ZBTB49: variants seen among roughly 807,000 people sequenced by gnomAD.
The protein encoded by ZBTB49 is zinc finger and BTB domain-containing protein 49.
A neutral mutation model predicts 57.5 loss-of-function variants in ZBTB49; 43 were observed. The observed-to-expected ratio is 0.75, with a 90% CI of 0.59 to 0.97. ZBTB49 has a LOEUF of 0.97. Among genes scored for constraint, ZBTB49 ranks in the 50% least tolerant of loss-of-function variants. The pLI, the probability that ZBTB49 is intolerant of heterozygous loss-of-function variation, is 0.00. For missense variants in ZBTB49, 938 were observed against 947.7 expected, an observed-to-expected ratio of 0.99 and a Z score of 0.13; for synonymous variants, 369 against 362.1, an observed-to-expected ratio of 1.02 and a Z score of -0.22.
intron 5 of ZBTB49, among the ~76,000 whole-genome samples, chr4:4,314,693 A>C (rs898060792): frequency 5.3e-5 from 8 of 152,206 alleles, no homozygotes; most frequent in Non-Finnish European, 8.8e-5. Flanking sequence ...TTGAAACCAG[A>C]CCTATATGCA....
chr4:4,311,063 A>G (rs1720965015), intron 4 of ZBTB49, among the ~76,000 whole-genome samples: 1 of 152,216 alleles, frequency 6.6e-6, no homozygotes, highest in South Asian at 2.1e-4. Context: ...ATTATTTATC[A>G]GAAATATGCA....
In ZBTB49 at chr4:4,321,220, C is replaced by A; in HGVS notation, c.2202C>A (p.Thr734=). 1 of 1,614,196 alleles carries A rather than the reference C, an allele frequency of 6.2e-7. No individual in the cohort carries two copies. ...GDPLGSRASS[T]TYRNSEGQFF... is the part of the protein sequence containing the mutation. ...CCCTGGGCAGTCGAGCATCTTCCAC[C>A]ACTTATAGGAACTCAGAGGGTCAGT... Residue 734 remains threonine, a synonymous_variant, in exon 8 of 8, where the codon ACC becomes ACA. Coordinates refer to ENST00000337872, the MANE Select transcript of ZBTB49 (RefSeq NM_145291.4).
chr4:4,306,285 A>T, intron 4 of ZBTB49, 101 bp downstream of exon 4: 1 of 960,624 alleles, frequency 1.0e-6, no homozygotes, highest in South Asian at 1.4e-5. Context: ...AGAAGCCTCT[A>T]ATGATGTCTG....
At chr4:4,307,565 G>A (rs925273740) in intron 4 of ZBTB49, among the ~76,000 whole-genome samples, 1 of 152,118 alleles carries the variant, frequency 6.6e-6, no homozygotes, top group Non-Finnish European at 1.5e-5. Flanking sequence ...TTAGAGCAGG[G>A]CCTGGCACAT....
intron 7 of ZBTB49, among the ~76,000 whole-genome samples, chr4:4,320,431 C>T (rs1036929010): frequency 2.6e-5 from 4 of 152,090 alleles, no homozygotes; most frequent in Non-Finnish European, 4.4e-5. Flanking sequence ...ACTGTAAAAG[C>T]ATCTTTTTCC....
At chr4:4,297,494 G>A (rs1422018092) in intron 1 of ZBTB49, among the ~76,000 whole-genome samples, 1 of 152,194 alleles carries the variant, frequency 6.6e-6, no homozygotes, top group Admixed American at 6.5e-5. Context: ...AGCGGGTTAA[G>A]AATCATGGGG....
chr4:4,306,981 G>A (rs1342805818), intron 4 of ZBTB49, among the ~76,000 whole-genome samples: 2 of 152,236 alleles, frequency 1.3e-5, no homozygotes, highest in Non-Finnish European at 2.9e-5. Flanking sequence ...GCCCCGCAGA[G>A]CTTGGAAATG....
chr4:4,307,194 C>G (rs867963702), intron 4 of ZBTB49, among the ~76,000 whole-genome samples: 7 of 152,362 alleles, frequency 4.6e-5, no homozygotes, highest in Middle Eastern at 3.4e-3. Context: ...GGGTCATGTC[C>G]TCCTGAGCAC....
intron 5 of ZBTB49, 56 bp downstream of exon 5, chr4:4,313,170 T>A: frequency 6.2e-7 from 1 of 1,602,526 alleles, no homozygotes; most frequent in Non-Finnish European, 8.5e-7. Context: ...TCTCAGTGTC[T>A]TTGGTAGTCA....
chr4:4,313,160 T>A, intron 5 of ZBTB49, 46 bp downstream of exon 5: 1 of 1,608,892 alleles, frequency 6.2e-7, no homozygotes, highest in Non-Finnish European at 8.5e-7. Flanking sequence ...GCATGTCTAG[T>A]CTCAGTGTCT....
chr4:4,321,091 T>G lies in ZBTB49; in HGVS notation c.2073T>G (p.Ala691=). ...AGCAGACACAGCCTCAGGCCTATGC[T>G]TACTCGGATGTGGACACCCCAGCCG... The part of the protein sequence containing the change: ...QMQQTQPQAY[A]YSDVDTPAGG... Residue 691 remains alanine (A), a synonymous_variant, in exon 8 of 8, where the codon GCT becomes GCG. Transcript: ENST00000337872. The G allele has an allele frequency of 6.2e-7, 1 of 1,614,180 alleles. No homozygotes were observed. The highest frequency in any genetic ancestry group is 8.5e-7 in the Non-Finnish European group (1 of 1,180,024).
chr4:4,297,109 C>T (rs529253795), intron 1 of ZBTB49, among the ~76,000 whole-genome samples: 4 of 152,252 alleles, frequency 2.6e-5, no homozygotes, highest in South Asian at 2.1e-4. Flanking sequence ...CTCGCTTTGT[C>T]GCCTAGGCTA....
chr4:4,294,872 C>CGTGTATGT (rs1553803052), intron 1 of ZBTB49, among the ~76,000 whole-genome samples: 4,413 of 138,094 alleles, frequency 0.032, 82 homozygotes, highest in Middle Eastern at 0.039. Flanking sequence ...AGGAGGGTTT[C>CGTGTATGT]GTGTGTGTGT....
intron 5 of ZBTB49, among the ~76,000 whole-genome samples, chr4:4,313,920 T>G (rs578214135): frequency 3.9e-5 from 6 of 152,336 alleles, no homozygotes; most frequent in African/African-American, 1.4e-4. Flanking sequence ...ACCTGCTGTA[T>G]GCCAAGTGCT....
In ZBTB49 at chr4:4,302,856, T is replaced by C. The variant is rs771712970; in HGVS notation, c.1020T>C (p.Ala340=). The C allele has an allele frequency of 8.1e-6, 13 of 1,613,668 alleles. No homozygotes were observed. Among genetic ancestry groups the C allele is most frequent in the Non-Finnish European group, 1.0e-5 (12 of 1,179,750 alleles). ...DDGLTKRLES[A]SKNTLEKASS... is the part of the protein sequence containing the mutation. ...GTTTGACAAAGAGGTTGGAATCTGC[T>C]AGTAAAAATACCCTAGAGAAAGCTA... Residue 340 remains alanine (A), a synonymous_variant, in exon 3 of 8, where the codon GCT becomes GCC. Transcript: ENST00000337872.
rs144437900 is a variant in ZBTB49 at position 4,299,849 on chromosome 4, A to G, written c.-19-78A>G. The G allele has an allele frequency of 1.5e-4, 204 of 1,317,484 alleles. 3 individuals are homozygous for G. The African/African-American group carries it at 2.5e-3, about 16-fold the overall frequency. The allele number at this position is 1,317,484 out of a possible 1,614,324, so 81.6% of individuals were successfully genotyped here. Reference sequence around the variant, plus strand: ...TGATGAGAGAGTGAAGCACAGATCAATCAGTAAGTTTCAGTCCCATTTAGT... The same window carrying G: ...TGATGAGAGAGTGAAGCACAGATCAGTCAGTAAGTTTCAGTCCCATTTAGT... On this transcript the variant is annotated intron_variant, in intron 1 of 7. Transcript: ENST00000337872.
chr4:4,309,305 T>C (rs1720875030), intron 4 of ZBTB49, among the ~76,000 whole-genome samples: 1 of 152,178 alleles, frequency 6.6e-6, no homozygotes, highest in Non-Finnish European at 1.5e-5. Context: ...TGTGTCCAGA[T>C]CTCTGCAGGG....
At chr4:4,307,594 G>T (rs1051830179) in intron 4 of ZBTB49, among the ~76,000 whole-genome samples, 1 of 152,134 alleles carries the variant, frequency 6.6e-6, no homozygotes, top group African/African-American at 2.4e-5. Context: ...CTCAAGAAAC[G>T]CCAGCATTCC....
rs1320754202 is a variant in ZBTB49, at chr4:4,303,038, G to A, written c.1202G>A (p.Gly401Glu). The A allele has an allele frequency of 6.2e-7, 1 of 1,612,912 alleles. No homozygotes were observed. The highest frequency in any genetic ancestry group is 2.2e-5 in the East Asian group (1 of 44,872). Reference protein sequence around the residue: ...SQRQYACELCGKPFKHPSNLE... With the variant: ...SQRQYACELCEKPFKHPSNLE... ...AGACAATACGCGTGTGAATTATGCG[G>A]GAAACCTTTTAAACACCCAAGCAAC... The change falls in exon 3 of 8, where the codon GGG (glycine) becomes GAG (glutamate). Residue 401 changes from glycine (G) to glutamate (E), a missense_variant. By Grantham distance (98) the Gly-to-Glu change is moderately conservative (BLOSUM62 -2). Around this residue, in one of 3 missense-constraint regions of ZBTB49, gnomAD observed 835 missense variants for 819.1 expected, o/e 1.02. Transcript: ENST00000337872.
Sources: gnomAD v4.1 joint callset for allele counts (sites outside exome capture counted in the v4.1 genomes callset) on GRCh38, gnomAD v4.1.1 for gene constraint, gnomAD v4.1.1 regional missense constraint, MANE v1.5 for transcripts, NCBI Gene and HGNC (gene_info 2026-07-23, HGNC 2026-07-21) for gene names.